FGF13: variants seen among roughly 807,000 people sequenced by gnomAD.
FGF13 encodes fibroblast growth factor 13.
A neutral mutation model predicts 19.5 loss-of-function variants in FGF13; 2 were observed. The ratio of observed to expected loss-of-function variants is 0.10; its 90% CI spans 0.04 to 0.32. The LOEUF (loss-of-function observed/expected upper bound fraction) is 0.32. Among genes scored for constraint, FGF13 ranks in the 10% least tolerant of loss-of-function variants. The pLI, the probability that FGF13 is intolerant of heterozygous loss-of-function variation, is 1.00. For synonymous variants in FGF13, 72 were observed against 76.9 expected (o/e 0.94, Z 0.33); for missense variants, 113 against 192.7 (o/e 0.59, Z 2.45).
At chrX:139,061,483 CCACTCT>C (rs1221142434) in intron 1 of FGF13, among the ~76,000 whole-genome samples, 5 of 111,422 alleles carry the variant, frequency 4.5e-5, no homozygotes, top group Non-Finnish European at 9.4e-5. Flanking sequence ...TTGCACATGC[CCACTCT>C]CACATGCACT....
intron 1 of FGF13, among the ~76,000 whole-genome samples, chrX:138,922,192 A>G (rs541636063): frequency 9.0e-6 from 1 of 111,445 alleles, no homozygotes; most frequent in African/African-American, 3.3e-5. Context: ...GGGATTTCTA[A>G]CTAATATCCT....
chrX:139,088,065 ACATCCATGCGGC>A (rs2083415444), intron 1 of FGF13, among the ~76,000 whole-genome samples: 1 of 111,783 alleles, frequency 8.9e-6, no homozygotes, highest in Non-Finnish European at 1.9e-5. Context: ...GCTTTGCAAC[ACATCCATGCGGC>A]CATTTGGAGT....
At chrX:139,062,411 T>A (rs1380131330) in intron 1 of FGF13, among the ~76,000 whole-genome samples, 8 of 112,065 alleles carry the variant, frequency 7.1e-5, no homozygotes, top group Non-Finnish European at 1.3e-4. Flanking sequence ...TCTGTCCCAC[T>A]AGTCTGTGTG....
chrX:138,691,789 A>G (rs1386850681), intron 3 of FGF13, among the ~76,000 whole-genome samples: 2 of 112,140 alleles, frequency 1.8e-5, no homozygotes, highest in Non-Finnish European at 3.8e-5. Context: ...CAGTAGTTCT[A>G]TTTCCAGAAC....
chrX:139,123,690 C>A (rs918019214), intron 1 of FGF13, among the ~76,000 whole-genome samples: 1 of 112,432 alleles, frequency 8.9e-6, no homozygotes, highest in African/African-American at 3.2e-5. Flanking sequence ...TGAAGGCAGG[C>A]ACTTTGTCTT....
At chrX:139,202,254 G>C (rs759974431) in intron 1 of FGF13, among the ~76,000 whole-genome samples, 1 of 112,031 alleles carries the variant, frequency 8.9e-6, no homozygotes, top group South Asian at 3.8e-4. Flanking sequence ...CAAAGTTCCA[G>C]AAACAAACGA....
At chrX:138,907,605 G>A (rs1396559131) in intron 1 of FGF13, among the ~76,000 whole-genome samples, 4 of 111,925 alleles carry the variant, frequency 3.6e-5, no homozygotes, top group Non-Finnish European at 7.5e-5. Flanking sequence ...CCTTGTTTCA[G>A]ATAGAGGTCA....
intron 3 of FGF13, among the ~76,000 whole-genome samples, chrX:138,830,847 G>C (rs1379835212): frequency 9.1e-6 from 1 of 110,474 alleles, no homozygotes; most frequent in Non-Finnish European, 1.9e-5. Context: ...GGTGCTACTT[G>C]TCAAGACAAT....
chrX:139,088,822 T>C (rs1051801963), intron 1 of FGF13, among the ~76,000 whole-genome samples: 1 of 111,911 alleles, frequency 8.9e-6, no homozygotes, highest in Admixed American at 9.5e-5. Context: ...TCGAAGTTCA[T>C]GGCTTTTGGG....
intron 1 of FGF13, among the ~76,000 whole-genome samples, chrX:138,889,186 A>T (rs1186473580): frequency 9.0e-6 from 1 of 111,688 alleles, no homozygotes; most frequent in Non-Finnish European, 1.9e-5. Flanking sequence ...GGGAGAGAAA[A>T]GGCCTTCTTT....
intron 1 of FGF13, among the ~76,000 whole-genome samples, chrX:138,978,944 C>G (rs1025830505): frequency 1.8e-5 from 2 of 112,014 alleles, no homozygotes; most frequent in Non-Finnish European, 3.8e-5. Flanking sequence ...AAATGATAAG[C>G]ATCAAGAGAT....
downstream of FGF13, among the ~76,000 whole-genome samples, chrX:138,853,610 T>A (rs1039556761): frequency 3.6e-5 from 3 of 82,209 alleles, no homozygotes; most frequent in Non-Finnish European, 7.4e-5. Context: ...TGTGTGTGTG[T>A]GTGCGTGTGC....
intron 1 of FGF13, among the ~76,000 whole-genome samples, chrX:138,717,140 G>A (rs1401796960): frequency 8.9e-6 from 1 of 111,822 alleles, no homozygotes; most frequent in African/African-American, 3.3e-5. Context: ...CATTTAATTA[G>A]CCATGGCAGC....
chrX:139,064,848 T>G (rs1334420744), intron 1 of FGF13, among the ~76,000 whole-genome samples: 1 of 111,684 alleles, frequency 9.0e-6, no homozygotes, highest in Non-Finnish European at 1.9e-5. Flanking sequence ...GTCCCAAATT[T>G]ATTTGAGGCT....
At chrX:139,161,023 C>A (rs1020678539) in intron 1 of FGF13, among the ~76,000 whole-genome samples, 13 of 111,779 alleles carry the variant, frequency 1.2e-4, no homozygotes, top group African/African-American at 4.2e-4. Flanking sequence ...GCTACCAAAA[C>A]CTGGCAGAGA....
rs765142002 is a variant in FGF13, at chrX:138,767,303, T to C, written c.218-58375A>G. Among the ~76,000 whole-genome samples, 3 of 112,029 alleles carry C rather than the reference T, an allele frequency of 2.7e-5. No individual in the cohort carries two copies. In the East Asian group the frequency reaches 8.4e-4, roughly 32 times the overall value. On this transcript the variant is annotated intron_variant, in intron 3 of 6. Transcript: ENST00000436198. ...TTTTATCCAAGATATAAAATCCACA[T>C]AGCCCATTTTGCAGAATATACTAAA...
chrX:138,740,341 A>G (rs1390748621), upstream of FGF13, among the ~76,000 whole-genome samples: 1 of 111,967 alleles, frequency 8.9e-6, no homozygotes, highest in Non-Finnish European at 1.9e-5. Flanking sequence ...ATTAAGCCCC[A>G]GTACCCATAT....
intron 1 of FGF13, among the ~76,000 whole-genome samples, chrX:139,199,647 C>A (rs1334158256): frequency 2.7e-5 from 3 of 111,326 alleles, no homozygotes; most frequent in Non-Finnish European, 5.6e-5. Context: ...CTCAAAGCCA[C>A]CCATAAAATC....
At chrX:139,010,014 C>G (rs981756349) in intron 1 of FGF13, among the ~76,000 whole-genome samples, 3 of 111,658 alleles carry the variant, frequency 2.7e-5, no homozygotes, top group Non-Finnish European at 5.6e-5. Context: ...ATTCTTATAT[C>G]AGACTAAACA....
Sources: allele counts gnomAD v4.1 joint callset (sites outside exome capture counted in the v4.1 genomes callset), GRCh38; gene constraint gnomAD v4.1.1; transcripts MANE v1.5; gene names NCBI Gene and HGNC (gene_info 2026-07-23, HGNC 2026-07-21).